Variants in CNTN4 observed in about 807,000 individuals in gnomAD.
CNTN4 encodes the protein contactin-4.
CNTN4 carries 77 observed loss-of-function variants against 122.5 expected under a neutral mutation model. That is an observed-to-expected ratio of 0.63 (90% confidence interval 0.52 to 0.76). The LOEUF (loss-of-function observed/expected upper bound fraction) is 0.76, where lower values mean the gene tolerates loss of function less well. Ranked by LOEUF, CNTN4 falls within the 30% of genes least tolerant of loss-of-function variation. The probability of loss-of-function intolerance (pLI) is 0.00; values close to 1 mark genes in which losing one functional copy is unlikely to be tolerated. For synonymous variants in CNTN4, 512 were observed against 447.0 expected (o/e 1.15, Z -1.83); for missense variants, 1,256 against 1,259.1 (o/e 1.00, Z 0.04).
intron 3 of CNTN4, among the ~76,000 whole-genome samples, chr3:2,392,249 A>G (rs2046466693): frequency 6.6e-6 from 1 of 152,182 alleles, no homozygotes; most frequent in African/African-American, 2.4e-5. Flanking sequence ...CTCTTCAGGA[A>G]GTCTATAATC....
intron 13 of CNTN4, among the ~76,000 whole-genome samples, chr3:2,956,703 G>A (rs753546820): frequency 2.0e-5 from 3 of 151,882 alleles, no homozygotes; most frequent in Non-Finnish European, 4.4e-5. Context: ...ATTAATTAAT[G>A]CATCCATCAC....
At chr3:2,424,882 C>T (rs774548225) in intron 3 of CNTN4, among the ~76,000 whole-genome samples, 1 of 152,146 alleles carries the variant, frequency 6.6e-6, no homozygotes, top group Non-Finnish European at 1.5e-5. Flanking sequence ...TGAGAAGTGT[C>T]TGTTCATATC....
intron 13 of CNTN4, among the ~76,000 whole-genome samples, chr3:2,946,704 C>CTTTTTTTTTTT (rs55883455): frequency 2.5e-5 from 3 of 119,386 alleles, no homozygotes; most frequent in Non-Finnish European, 3.4e-5. Context: ...TTTTTTTTTT[C>CTTTTTTTTTTT]TTTTTTTTTT....
At chr3:2,265,896 CTGATTTTTG>C (rs1167053654) in intron 2 of CNTN4, among the ~76,000 whole-genome samples, 1 of 151,816 alleles carries the variant, frequency 6.6e-6, no homozygotes, top group Non-Finnish European at 1.5e-5. Flanking sequence ...TGAAACACTA[CTGATTTTTG>C]TATGTTGATT....
chr3:2,460,583 A>T (rs2049167837), intron 3 of CNTN4, among the ~76,000 whole-genome samples: 1 of 152,058 alleles, frequency 6.6e-6, no homozygotes, highest in Non-Finnish European at 1.5e-5. Flanking sequence ...CACTTCCTTG[A>T]TGTTCCTGGG....
intron 3 of CNTN4, among the ~76,000 whole-genome samples, chr3:2,366,912 A>G (rs1390471711): frequency 6.6e-6 from 1 of 152,094 alleles, no homozygotes; most frequent in Non-Finnish European, 1.5e-5. Context: ...AATATGTTGC[A>G]CTCTAACAAT....
chr3:2,834,071 G>A (rs553849454), intron 7 of CNTN4, among the ~76,000 whole-genome samples: 3 of 151,788 alleles, frequency 2.0e-5, no homozygotes, highest in South Asian at 2.1e-4. Context: ...ACTTGATCAC[G>A]GGAGGCAGAG....
intron 3 of CNTN4, among the ~76,000 whole-genome samples, chr3:2,483,513 G>C (rs893887408): frequency 2.6e-5 from 4 of 152,182 alleles, no homozygotes; most frequent in African/African-American, 9.7e-5. Flanking sequence ...GTCAGGGGCA[G>C]AATGATATGG....
At chr3:2,734,303 C>T (rs1315049230) in intron 4 of CNTN4, among the ~76,000 whole-genome samples, 1 of 152,152 alleles carries the variant, frequency 6.6e-6, no homozygotes, top group Non-Finnish European at 1.5e-5. Flanking sequence ...TCAAGCAATC[C>T]TCCACGCCTC....
chr3:2,916,665 C>T (rs78937984), intron 12 of CNTN4, among the ~76,000 whole-genome samples: 4 of 82,614 alleles, frequency 4.8e-5, no homozygotes, highest in East Asian at 1.3e-3. Flanking sequence ...CCCCCTTCCA[C>T]TCGACAAAAC....
chr3:2,271,988 G>A (rs990938452), intron 2 of CNTN4, among the ~76,000 whole-genome samples: 44 of 152,102 alleles, frequency 2.9e-4, no homozygotes, highest in Admixed American at 5.2e-4. Context: ...TTCACAAGAT[G>A]TTAAGTAAAA....
At chr3:2,665,199 G>A (rs776019081) in intron 4 of CNTN4, among the ~76,000 whole-genome samples, 1 of 152,130 alleles carries the variant, frequency 6.6e-6, no homozygotes, top group Non-Finnish European at 1.5e-5. Flanking sequence ...AATTCAGATG[G>A]TCTTGCATCA....
chr3:2,194,811 A>G (rs1320820413), intron 2 of CNTN4, among the ~76,000 whole-genome samples: 2 of 152,172 alleles, frequency 1.3e-5, no homozygotes, highest in Non-Finnish European at 2.9e-5. Context: ...ACCAGAAGCT[A>G]TGAAGAAGTT....
At chr3:2,536,533 T>A (rs2077813584) in intron 3 of CNTN4, among the ~76,000 whole-genome samples, 5 of 152,038 alleles carry the variant, frequency 3.3e-5, no homozygotes, top group Admixed American at 2.6e-4. Context: ...CGAGGTGAGG[T>A]CATATCAAAG....
intron 14 of CNTN4, among the ~76,000 whole-genome samples, chr3:3,009,318 A>G (rs1162715573): frequency 6.6e-6 from 1 of 152,214 alleles, no homozygotes; most frequent in African/African-American, 2.4e-5. Flanking sequence ...CTCTTCTAGT[A>G]TCTGAATGTT....
chr3:2,661,526 A>T (rs535365367), intron 4 of CNTN4, among the ~76,000 whole-genome samples: 1,636 of 150,272 alleles, frequency 0.011, 30 homozygotes, highest in African/African-American at 0.038. Context: ...AAAAAAAAAA[A>T]TCCTGGCCAG....
rs533055142 is a variant in CNTN4, at chr3:2,227,865, C to G, written c.-144-111313C>G. Among the ~76,000 whole-genome samples, 6 of 152,068 alleles carry G rather than the reference C, an allele frequency of 3.9e-5. No homozygotes were observed. In the South Asian group the frequency reaches 1.0e-3, roughly 26 times the overall value. On this transcript the variant is annotated intron_variant, in intron 2 of 24. Coordinates refer to ENST00000418658, the MANE Select transcript of CNTN4 (RefSeq NM_175607.3). ...ATTCATTTGTTTGTTTCACAAACCA[C>G]AGTTAATTTAGTAAGGAAAATAAGC...
intron 4 of CNTN4, among the ~76,000 whole-genome samples, chr3:2,681,167 G>A (rs1251349566): frequency 6.6e-6 from 1 of 152,186 alleles, no homozygotes; most frequent in East Asian, 1.9e-4. Context: ...AAACCTGGCT[G>A]AGAAGACAAT....
chr3:2,353,328 G>T (rs1184159796), intron 3 of CNTN4, among the ~76,000 whole-genome samples: 3 of 152,150 alleles, frequency 2.0e-5, no homozygotes, highest in African/African-American at 7.2e-5. Context: ...TCTATAAAAT[G>T]GACCAATCAT....
Sources: gnomAD v4.1 joint callset for allele counts (sites outside exome capture counted in the v4.1 genomes callset) on GRCh38, gnomAD v4.1.1 for gene constraint, MANE v1.5 for transcripts, NCBI Gene and HGNC (gene_info 2026-07-23, HGNC 2026-07-21) for gene names.